The following COQ2 variants were observed in gnomAD, a reference collection of about 807,000 sequenced individuals.
COQ2 encodes coenzyme Q2, polyprenyltransferase.
Under a neutral mutation model 35.7 loss-of-function variants are expected in COQ2, and 25 were observed. The ratio of observed to expected loss-of-function variants is 0.70; its 90% confidence interval spans 0.51 to 0.98. The LOEUF (loss-of-function observed/expected upper bound fraction) is 0.98, where lower values mean the gene tolerates loss of function less well. COQ2 is among the 50% of genes least tolerant of loss of function. The pLI, the probability that COQ2 is intolerant of heterozygous loss-of-function variation, is 0.00. For synonymous variants in COQ2, 206 were observed against 186.2 expected, an observed-to-expected ratio of 1.11 and a Z score of -0.86; for missense variants, 488 against 473.5, an observed-to-expected ratio of 1.03 and a Z score of -0.28.
At chr4:83,267,271 G>T (rs1013739763) in intron 6 of COQ2, 1 of 435,584 alleles carries the variant, frequency 2.3e-6, no homozygotes, top group Admixed American at 2.7e-5. Flanking sequence ...CAGCTACCCA[G>T]GATGCTGAGG....
chr4:83,279,808 T>C (rs1735273862), intron 1 of COQ2, among the ~76,000 whole-genome samples: 1 of 151,934 alleles, frequency 6.6e-6, no homozygotes, highest in Non-Finnish European at 1.5e-5. Context: ...CTCAAAAAAG[T>C]TAGCAAAATT....
chr4:83,273,587 C>A lies in COQ2; in HGVS notation c.451G>T (p.Ala151Ser), dbSNP rs372949213. 1 of 1,613,420 alleles carries A rather than the reference C, an allele frequency of 6.2e-7. No individual in the cohort carries two copies. Among genetic ancestry groups the A allele is most frequent in the Non-Finnish European group, 8.5e-7 (1 of 1,179,614 alleles). The change falls in exon 3 of 7, where the codon GCT becomes TCT. Residue 151 changes from alanine (A) to serine (S), a missense_variant. Ala to Ser is a moderately conservative substitution (Grantham distance 99). Coordinates refer to ENST00000647002, the MANE Select transcript of COQ2 (RefSeq NM_001358921.2). ...GACTGAAAAGTTGAAATGTCTCCAG[C>A]GGCTATTGGACGATTGGCTGTTCTT... ...VTRTANRPIAAGDISTFQSFV... is the reference protein window; with the variant it reads ...VTRTANRPIASGDISTFQSFV...
At chr4:83,271,992 GATTTGTC>G in intron 4 of COQ2, 88 bp downstream of exon 4, 2 of 797,634 alleles carry the variant, frequency 2.5e-6, no homozygotes, top group South Asian at 3.6e-5. Context: ...TTACATGACT[GATTTGTC>G]ATTTCATCTT....
rs1248981828 is a variant in COQ2, at chr4:83,272,080, A to G, written c.628+7T>C. On this transcript the variant is annotated splice_region_variant and intron_variant, in intron 4 of 6. Transcript: ENST00000647002. ...AAAGGAAATACTTTTAGTTATTGTA[A>G]GCTCACCCAAGGCTAGTTGAGGCCA... 1.9e-6 allele frequency: 3 copies of G among 1,576,790 alleles called. No individual in the cohort carries two copies. Among genetic ancestry groups the G allele is most frequent in the Non-Finnish European group, 2.6e-6 (3 of 1,153,746 alleles).
chr4:83,279,187 C>T, intron 1 of COQ2, 73 bp from the exon 2 acceptor site: 4 of 1,438,570 alleles, frequency 2.8e-6, no homozygotes, highest in Non-Finnish European at 3.7e-6. Flanking sequence ...TTAAACATCA[C>T]ATACCAAAGA....
Position 83,269,841 on chromosome 4 carries a change from G to A in COQ2, c.762+19C>T. 1 of 1,522,166 alleles carries A rather than the reference G, an allele frequency of 6.6e-7. No homozygotes were observed. Among genetic ancestry groups the A allele is most frequent in the South Asian group, 1.3e-5 (1 of 75,244 alleles). The allele number at this position is 1,522,166 out of a possible 1,614,324, so 94.3% of individuals were successfully genotyped here. A position where few individuals can be genotyped will look rare whatever the true frequency, so the allele number is the denominator to read the frequency against. Reference sequence around the variant, plus strand: ...ACAGCAACAACTAAACCAAAGTTAAGAAAAGATAATTTCTTTACCTGATGG... The same window carrying A: ...ACAGCAACAACTAAACCAAAGTTAAAAAAAGATAATTTCTTTACCTGATGG... On this transcript the variant is annotated intron_variant, in intron 5 of 6. Transcript: ENST00000647002.
chr4:83,270,507 T>C (rs1735024010), intron 4 of COQ2, among the ~76,000 whole-genome samples: 1 of 152,180 alleles, frequency 6.6e-6, no homozygotes, highest in East Asian at 1.9e-4. Flanking sequence ...AAATCTCCAC[T>C]TGCAAGCCTG....
intron 1 of COQ2, chr4:83,283,474 C>G (rs188473828): frequency 1.2e-5 from 12 of 985,458 alleles, no homozygotes; most frequent in Non-Finnish European, 1.3e-5. Context: ...AAGTACTTCC[C>G]GCACTAAGAT....
At chr4:83,283,465 A>G (rs985718195) in intron 1 of COQ2, 5 of 985,318 alleles carry the variant, frequency 5.1e-6, no homozygotes, top group Non-Finnish European at 6.0e-6. Flanking sequence ...TCTTTGCAAA[A>G]GTACTTCCCG....
In COQ2 at chr4:83,283,307, T is replaced by C. The variant is rs1262453452; in HGVS notation, c.253+1205A>G. ...GCAATGGCAAATGTCATCATCTAGATTGGCTGGAGTTCATCCTTCACTTCT... is the reference window on the plus strand; with the variant it reads ...GCAATGGCAAATGTCATCATCTAGACTGGCTGGAGTTCATCCTTCACTTCT... On this transcript the variant is annotated intron_variant, in intron 1 of 6. Coordinates refer to ENST00000647002, the MANE Select transcript of COQ2 (RefSeq NM_001358921.2). 11 of 985,326 alleles carry C rather than the reference T, an allele frequency of 1.1e-5. No individual in the cohort carries two copies. The Admixed American group carries it at 2.5e-4, about 22-fold the overall frequency. The allele number at this position is 985,326 out of a possible 1,614,324, so 61.0% of individuals were successfully genotyped here.
At chr4:83,271,211 C>T (rs1334944373) in intron 4 of COQ2, among the ~76,000 whole-genome samples, 1 of 152,164 alleles carries the variant, frequency 6.6e-6, no homozygotes, top group Non-Finnish European at 1.5e-5. Context: ...TACACCGCAC[C>T]AAGTGCTATG....
chr4:83,276,076 T>A (rs1446072072), intron 2 of COQ2, among the ~76,000 whole-genome samples: 10 of 138,290 alleles, frequency 7.2e-5, no homozygotes, highest in African/African-American at 2.9e-4. Flanking sequence ...ATTTTATATA[T>A]AATATATATA....
intron 1 of COQ2, among the ~76,000 whole-genome samples, chr4:83,280,234 C>G (rs1207791856): frequency 6.6e-6 from 1 of 152,162 alleles, no homozygotes; most frequent in Non-Finnish European, 1.5e-5. Flanking sequence ...ATATAAAAGA[C>G]TTCAAATATG....
chr4:83,278,926 T>C (rs1199233678), intron 2 of COQ2, 22 bp downstream of exon 2: 2 of 1,556,986 alleles, frequency 1.3e-6, no homozygotes, highest in Non-Finnish European at 1.7e-6. Context: ...AGCCTCTCTA[T>C]TCCTTTTCAG....
upstream of COQ2, chr4:83,284,810 G>A (rs1325169267): frequency 1.3e-6 from 2 of 1,567,354 alleles, no homozygotes; most frequent in Non-Finnish European, 1.7e-6. Context: ...TCATTCCCCG[G>A]CAGGCATGCG....
At chr4:83,284,260 C>T (rs1236066229) in intron 1 of COQ2, 1 of 985,322 alleles carries the variant, frequency 1.0e-6, no homozygotes, top group Non-Finnish European at 1.2e-6. Flanking sequence ...AGGAGACTGT[C>T]CCGACTGCGT....
intron 5 of COQ2, among the ~76,000 whole-genome samples, chr4:83,269,440 G>A (rs1366483709): frequency 2.6e-5 from 4 of 152,112 alleles, no homozygotes; most frequent in African/African-American, 9.7e-5. Flanking sequence ...CTGAACACTG[G>A]GTTTGAATCG....
chr4:83,279,570 T>A (rs1027821068), intron 1 of COQ2, among the ~76,000 whole-genome samples: 1 of 151,862 alleles, frequency 6.6e-6, no homozygotes, highest in African/African-American at 2.4e-5. Flanking sequence ...TTATTGTGTG[T>A]TTATATGTGT....
intron 5 of COQ2, among the ~76,000 whole-genome samples, chr4:83,268,060 C>T (rs557117304): frequency 1.7e-3 from 254 of 152,342 alleles, no homozygotes; most frequent in Middle Eastern, 6.8e-3. Context: ...CATTTCTATA[C>T]ACCATTATAT....
Sources: allele counts gnomAD v4.1 joint callset (sites outside exome capture counted in the v4.1 genomes callset), GRCh38; gene constraint gnomAD v4.1.1; transcripts MANE v1.5; gene names NCBI Gene and HGNC (gene_info 2026-07-23, HGNC 2026-07-21).